LRP1B: variants seen among roughly 807,000 people sequenced by gnomAD.
LRP1B encodes low-density lipoprotein receptor-related protein 1B.
In LRP1B, 217 loss-of-function variants were observed where a neutral mutation model predicts 556.6. The ratio of observed to expected loss-of-function variants is 0.39; its 90% confidence interval spans 0.35 to 0.44. The LOEUF (loss-of-function observed/expected upper bound fraction) is 0.44, where lower values mean the gene tolerates loss of function less well. LRP1B is among the 20% of genes least tolerant of loss of function. LRP1B has a pLI of 1.00. For synonymous variants in LRP1B, 2,047 were observed against 1,865.8 expected (o/e 1.10, Z -2.50); for missense variants, 5,053 against 5,620.8 (o/e 0.90, Z 3.23).
chr2:141,034,971 T>C (rs1465888491), intron 11 of LRP1B, among the ~76,000 whole-genome samples: 1 of 151,916 alleles, frequency 6.6e-6, no homozygotes, highest in East Asian at 1.9e-4. Context: ...TGTCCAACAA[T>C]GATAGACTGG....
At chr2:140,332,766 C>T (rs1294110956) in intron 79 of LRP1B, among the ~76,000 whole-genome samples, 1 of 152,056 alleles carries the variant, frequency 6.6e-6, no homozygotes, top group Non-Finnish European at 1.5e-5. Flanking sequence ...CTTTCTTCTG[C>T]ATACAACTAC....
chr2:140,972,352 TTCAG>T (rs1696452598), intron 18 of LRP1B, among the ~76,000 whole-genome samples: 1 of 152,140 alleles, frequency 6.6e-6, no homozygotes, highest in African/African-American at 2.4e-5. Context: ...TCTCAGTTTC[TTCAG>T]TATCTACCTT....
chr2:141,271,372 T>A lies in LRP1B; in HGVS notation c.344-16731A>T, dbSNP rs978848679. ...CACAAAAACTTTCTATATTTGATTT[T>A]AAAAAAATCAACACAACCAAGAATC... On this transcript the variant is annotated intron_variant, in intron 3 of 90. Coordinates refer to ENST00000389484, the MANE Select transcript of LRP1B (RefSeq NM_018557.3). Among the ~76,000 whole-genome samples the A allele has an allele frequency of 5.3e-5, 8 of 151,322 alleles. No homozygotes were observed. In the East Asian group the frequency reaches 1.2e-3, roughly 22 times the overall value.
Position 141,099,047 on chromosome 2 carries a change from G to A in LRP1B, c.1014-36774C>T, listed in dbSNP as rs184607981. 1.5e-4 allele frequency among the ~76,000 whole-genome samples: 23 copies of A among 152,214 alleles called. 1 individual carries two copies. The East Asian group carries it at 4.1e-3, about 27-fold the overall frequency. On this transcript the variant is annotated intron_variant, in intron 7 of 90. Coordinates refer to ENST00000389484, the MANE Select transcript of LRP1B (RefSeq NM_018557.3). ...AAGGATTATTTGACTGCAGGTAAAA[G>A]CATAAGTCTAGGGGACATGGAAAAT...
chr2:140,451,243 C>T (rs1463902472), intron 62 of LRP1B, among the ~76,000 whole-genome samples: 1 of 152,102 alleles, frequency 6.6e-6, no homozygotes, highest in Non-Finnish European at 1.5e-5. Flanking sequence ...CGGCCCCAGC[C>T]CTAAAGGGCT....
intron 29 of LRP1B, among the ~76,000 whole-genome samples, chr2:140,841,864 A>G (rs1432252777): frequency 1.5e-4 from 23 of 152,198 alleles, no homozygotes; most frequent in Admixed American, 1.5e-3. Flanking sequence ...AATGCAGAAA[A>G]TCTTTTAAGA....
intron 3 of LRP1B, among the ~76,000 whole-genome samples, chr2:141,268,416 A>T (rs1684968749): frequency 6.6e-6 from 1 of 152,196 alleles, no homozygotes; most frequent in Non-Finnish European, 1.5e-5. Flanking sequence ...GAGGTTGAAG[A>T]TAATGAGAGA....
intron 1 of LRP1B, among the ~76,000 whole-genome samples, chr2:141,843,623 T>C (rs538113653): frequency 1.3e-5 from 2 of 152,142 alleles, no homozygotes; most frequent in Non-Finnish European, 2.9e-5. Context: ...AAATATTTCC[T>C]CTATGGACTA....
intron 42 of LRP1B, among the ~76,000 whole-genome samples, chr2:140,600,767 GTTTTTT>G (rs61336155): frequency 4.6e-4 from 26 of 56,894 alleles, no homozygotes; most frequent in South Asian, 1.4e-3. Flanking sequence ...GTTCTTCGGG[GTTTTTT>G]TTTTTTTTTT....
intron 66 of LRP1B, among the ~76,000 whole-genome samples, chr2:140,406,582 A>C (rs11691524): frequency 0.14 from 21,534 of 151,962 alleles, 1,971 homozygotes; most frequent in East Asian, 0.32. Flanking sequence ...CAAGAACCCA[A>C]CCCTTTTAAC....
chr2:141,078,007 T>A (rs1188837929), intron 7 of LRP1B, among the ~76,000 whole-genome samples: 1 of 151,450 alleles, frequency 6.6e-6, no homozygotes, highest in East Asian at 1.9e-4. Flanking sequence ...CAAATGAAAT[T>A]TGAGCCATTA....
chr2:142,005,856 G>T (rs1378471997), intron 1 of LRP1B, among the ~76,000 whole-genome samples: 2 of 148,908 alleles, frequency 1.3e-5, no homozygotes, highest in Non-Finnish European at 3.0e-5. Context: ...GGGAGAAATG[G>T]TCTCCTCCTC....
chr2:141,173,892 T>G, intron 7 of LRP1B, among the ~76,000 whole-genome samples: 1 of 152,072 alleles, frequency 6.6e-6, no homozygotes. Flanking sequence ...ATGAGATTCA[T>G]GTTAGTGTCC....
intron 73 of LRP1B, among the ~76,000 whole-genome samples, 183 bp downstream of exon 73, chr2:140,358,638 G>A (rs1037892465): frequency 1.3e-5 from 2 of 151,628 alleles, no homozygotes; most frequent in African/African-American, 2.4e-5. Context: ...GGATAAAGGT[G>A]CACACCTATA....
chr2:140,909,080 G>A (rs528103773), intron 21 of LRP1B, among the ~76,000 whole-genome samples: 2 of 152,336 alleles, frequency 1.3e-5, no homozygotes, highest in Non-Finnish European at 2.9e-5. Flanking sequence ...TTACAGGCAT[G>A]AGCCACCATG....
At position 140,961,539 on chromosome 2, in the gene LRP1B, T is replaced by A. The variant is rs114503040; in HGVS notation, c.2888-9599A>T. Reference sequence around the variant, plus strand: ...GAAAGAGTTACTAAAACACAAGCAATATTTTCATAAATAATTTTTGTTGTA... The same window carrying A: ...GAAAGAGTTACTAAAACACAAGCAAAATTTTCATAAATAATTTTTGTTGTA... On this transcript the variant is annotated intron_variant, in intron 18 of 90. Coordinates refer to ENST00000389484, the MANE Select transcript of LRP1B (RefSeq NM_018557.3). Among the ~76,000 whole-genome samples the A allele has an allele frequency of 7.2e-3, 1,101 of 152,184 alleles. 9 individuals carry two copies. Among genetic ancestry groups the A allele is most frequent in the African/African-American group, 0.023 (970 of 41,534 alleles).
intron 7 of LRP1B, among the ~76,000 whole-genome samples, chr2:141,163,163 A>T (rs75116104): frequency 6.6e-6 from 1 of 152,038 alleles, no homozygotes; most frequent in Admixed American, 6.6e-5. Flanking sequence ...GCTTTCTGGT[A>T]TTACCACACA....
intron 41 of LRP1B, among the ~76,000 whole-genome samples, chr2:140,643,430 G>C (rs906017670): frequency 6.6e-6 from 1 of 152,052 alleles, no homozygotes; most frequent in Non-Finnish European, 1.5e-5. Context: ...TTGAAAAATA[G>C]AATAAACAAG....
At chr2:140,890,530 A>C (rs1161941908) in intron 23 of LRP1B, among the ~76,000 whole-genome samples, 1 of 152,128 alleles carries the variant, frequency 6.6e-6, no homozygotes, top group Non-Finnish European at 1.5e-5. Context: ...TTGAGAAAAC[A>C]TTTGTTTGAT....
Sources: gnomAD v4.1 joint callset for allele counts (sites outside exome capture counted in the v4.1 genomes callset) on GRCh38, gnomAD v4.1.1 for gene constraint, MANE v1.5 for transcripts, NCBI Gene and HGNC (gene_info 2026-07-23, HGNC 2026-07-21) for gene names.